Variants in FTO observed in about 807,000 individuals in gnomAD.
FTO encodes the protein alpha-ketoglutarate-dependent dioxygenase FTO.
Under a neutral mutation model 63.9 loss-of-function variants are expected in FTO, and 47 were observed. The observed-to-expected ratio is 0.74, with a 90% CI of 0.58 to 0.94. The LOEUF (loss-of-function observed/expected upper bound fraction) is 0.94, where lower values mean the gene tolerates loss of function less well. Ranked by LOEUF, FTO falls within the 40% of genes least tolerant of loss-of-function variation. The probability of loss-of-function intolerance (pLI) is 0.00; values close to 1 mark genes in which losing one functional copy is unlikely to be tolerated. For missense variants in FTO, 562 were observed against 618.1 expected, an observed-to-expected ratio of 0.91 and a Z score of 0.96; for synonymous variants, 207 against 224.4, an observed-to-expected ratio of 0.92 and a Z score of 0.69.
intron 8 of FTO, among the ~76,000 whole-genome samples, chr16:54,015,831 G>A (rs1186206369): frequency 1.3e-5 from 2 of 152,300 alleles, no homozygotes; most frequent in South Asian, 2.1e-4. Context: ...AGTTCGGACA[G>A]CCTCCAGCAA....
At chr16:53,738,263 C>G (rs1340962911) in intron 1 of FTO, among the ~76,000 whole-genome samples, 1 of 152,112 alleles carries the variant, frequency 6.6e-6, no homozygotes, top group Non-Finnish European at 1.5e-5. Flanking sequence ...CTCAGGTGAT[C>G]TGCCCACCTC....
At chr16:53,839,396 C>A (rs1182744061) in intron 3 of FTO, among the ~76,000 whole-genome samples, 1 of 152,070 alleles carries the variant, frequency 6.6e-6, no homozygotes, top group African/African-American at 2.4e-5. Context: ...AAGTTGATTT[C>A]ACTGAGAAGT....
intron 7 of FTO, among the ~76,000 whole-genome samples, chr16:53,901,963 A>C (rs1040928852): frequency 2.6e-5 from 4 of 152,198 alleles, no homozygotes; most frequent in African/African-American, 9.6e-5. Context: ...AGTGACATAG[A>C]GAAATGATAC....
chr16:54,010,760 C>T (rs2084316186), intron 8 of FTO, among the ~76,000 whole-genome samples: 1 of 152,130 alleles, frequency 6.6e-6, no homozygotes, highest in African/African-American at 2.4e-5. Flanking sequence ...TGAATTTGTG[C>T]CCCTGGGTGA....
chr16:53,964,117 G>A (rs1421869312), intron 8 of FTO, among the ~76,000 whole-genome samples: 1 of 152,190 alleles, frequency 6.6e-6, no homozygotes, highest in Non-Finnish European at 1.5e-5. Context: ...AATTTAGAAT[G>A]GGTTGAGCTG....
intron 8 of FTO, 69 bp from the exon 9 acceptor site, chr16:54,111,693 G>A: frequency 3.2e-6 from 5 of 1,559,578 alleles, no homozygotes; most frequent in Non-Finnish European, 4.4e-6. Flanking sequence ...GTTGCTCCAA[G>A]CTTCCTGTGG....
At chr16:54,024,222 TG>T (rs2084661797) in intron 8 of FTO, among the ~76,000 whole-genome samples, 2 of 152,132 alleles carry the variant, frequency 1.3e-5, no homozygotes, top group Admixed American at 1.3e-4. Flanking sequence ...GCTGTTTTTC[TG>T]TTTGTTTGTT....
At chr16:53,979,686 C>T (rs1329741742) in intron 8 of FTO, among the ~76,000 whole-genome samples, 2 of 152,106 alleles carry the variant, frequency 1.3e-5, no homozygotes, top group African/African-American at 2.4e-5. Context: ...CCATAATTTA[C>T]AATTATACCT....
chr16:53,737,732 CTTAGA>C (rs1449398718), intron 1 of FTO, among the ~76,000 whole-genome samples: 1 of 152,088 alleles, frequency 6.6e-6, no homozygotes, highest in Non-Finnish European at 1.5e-5. Context: ...TATTGGCTCC[CTTAGA>C]TTAACTTTAT....
intron 1 of FTO, among the ~76,000 whole-genome samples, chr16:53,737,700 G>A (rs181734675): frequency 6.6e-6 from 1 of 152,074 alleles, no homozygotes; most frequent in African/African-American, 2.4e-5. Flanking sequence ...TGCCTGTATA[G>A]TGCCCTCTTG....
intron 8 of FTO, among the ~76,000 whole-genome samples, chr16:53,956,182 C>T (rs1396308338): frequency 2.0e-5 from 3 of 152,162 alleles, no homozygotes; most frequent in Admixed American, 1.3e-4. Context: ...AACCATTTAA[C>T]ATCTGAGAAC....
chr16:54,023,231 T>C (rs925436859), intron 8 of FTO, among the ~76,000 whole-genome samples: 1 of 152,126 alleles, frequency 6.6e-6, no homozygotes, highest in Non-Finnish European at 1.5e-5. Context: ...TTGTATGAGG[T>C]GTAACAGCAA....
At chr16:53,883,629 A>C (rs951539972) in intron 6 of FTO, among the ~76,000 whole-genome samples, 1 of 147,086 alleles carries the variant, frequency 6.8e-6, no homozygotes, top group Non-Finnish European at 1.5e-5. Context: ...TCTCAAAAAA[A>C]AAAAAACAAA....
At chr16:53,815,734 C>T (rs564566712) in intron 2 of FTO, among the ~76,000 whole-genome samples, 142 of 148,612 alleles carry the variant, frequency 9.6e-4, no homozygotes, top group Non-Finnish European at 1.5e-3. Context: ...CTGTAACCTC[C>T]GCTTCCCAGG....
chr16:54,041,177 G>A (rs1248156174), intron 8 of FTO, among the ~76,000 whole-genome samples: 4 of 152,158 alleles, frequency 2.6e-5, no homozygotes, highest in Non-Finnish European at 4.4e-5. Flanking sequence ...AAAGGAAAGA[G>A]GTTTAACTGA....
intron 7 of FTO, among the ~76,000 whole-genome samples, chr16:53,929,797 T>C (rs2082237032): frequency 6.6e-6 from 1 of 152,226 alleles, no homozygotes; most frequent in Non-Finnish European, 1.5e-5. Flanking sequence ...CCATACCAGC[T>C]TCAAAGAGAA....
chr16:53,824,061 C>G (rs1567330149), intron 2 of FTO, among the ~76,000 whole-genome samples: 1 of 152,164 alleles, frequency 6.6e-6, no homozygotes, highest in Non-Finnish European at 1.5e-5. Context: ...TAGCACATTC[C>G]ACGCTCACAT....
chr16:54,036,807 G>A (rs1334386276), intron 8 of FTO, among the ~76,000 whole-genome samples: 6 of 152,142 alleles, frequency 3.9e-5, no homozygotes, highest in Admixed American at 3.9e-4. Context: ...GTAATACAGA[G>A]GACACTTATG....
chr16:54,092,719 C>A (rs1205618775), intron 8 of FTO, among the ~76,000 whole-genome samples: 1 of 152,188 alleles, frequency 6.6e-6, no homozygotes, highest in Non-Finnish European at 1.5e-5. Context: ...CAGACGCTTA[C>A]ATGAGACCCA....
Sources: gnomAD v4.1 joint callset for allele counts (sites outside exome capture counted in the v4.1 genomes callset) on GRCh38, gnomAD v4.1.1 for gene constraint, MANE v1.5 for transcripts, NCBI Gene and HGNC (gene_info 2026-07-23, HGNC 2026-07-21) for gene names.